Variants in COBL observed in about 807,000 individuals in gnomAD.
COBL encodes protein cordon-bleu.
In COBL, 51 loss-of-function variants were observed where a neutral mutation model predicts 98.8. The observed-to-expected ratio is 0.52, with a 90% confidence interval of 0.41 to 0.65. The LOEUF (loss-of-function observed/expected upper bound fraction) is 0.65, where lower values mean the gene tolerates loss of function less well. Among genes scored for constraint, COBL ranks in the 30% least tolerant of loss-of-function variants. COBL has a pLI of 0.00. For synonymous variants in COBL, 634 were observed against 651.7 expected (o/e 0.97, Z 0.41); for missense variants, 1,617 against 1,617.5 (o/e 1.00, Z 0.01).
At chr7:51,081,335 G>T (rs905848024) in intron 7 of COBL, among the ~76,000 whole-genome samples, 1 of 152,222 alleles carries the variant, frequency 6.6e-6, no homozygotes, top group African/African-American at 2.4e-5. Flanking sequence ...CTGGGGGAAT[G>T]AACTGGTATG....
chr7:51,017,886 C>G (rs536687185), intron 12 of COBL, among the ~76,000 whole-genome samples: 1 of 152,228 alleles, frequency 6.6e-6, no homozygotes, highest in Admixed American at 6.5e-5. Flanking sequence ...TGTGTGGGTA[C>G]GCATCTGAGG....
intron 1 of COBL, among the ~76,000 whole-genome samples, chr7:51,298,787 G>A (rs538114805): frequency 6.6e-6 from 1 of 152,160 alleles, no homozygotes; most frequent in Non-Finnish European, 1.5e-5. Context: ...AACAACAACT[G>A]CACCACTAAC....
At chr7:51,044,626 G>T (rs916686340) in intron 7 of COBL, among the ~76,000 whole-genome samples, 8 of 152,180 alleles carry the variant, frequency 5.3e-5, no homozygotes, top group Non-Finnish European at 1.2e-4. Flanking sequence ...ATTTATAACA[G>T]TCCAGAAAAC....
At chr7:51,105,488 C>T (rs1326318912) in intron 6 of COBL, among the ~76,000 whole-genome samples, 1 of 152,200 alleles carries the variant, frequency 6.6e-6, no homozygotes, top group Non-Finnish European at 1.5e-5. Context: ...GTGGCTCACA[C>T]CTGTAACCCC....
rs1189632509 is a variant in COBL, at chr7:51,043,425, C to A, written c.1364G>T (p.Ser455Ile). 1 of 1,614,244 alleles carries A rather than the reference C, an allele frequency of 6.2e-7. No homozygotes were observed. Among genetic ancestry groups the A allele is most frequent in the Admixed American group, 1.7e-5 (1 of 60,026 alleles). Reference protein sequence around the residue: ...AGTPDLGPQKSPLWEKNGSEN... With the variant: ...AGTPDLGPQKIPLWEKNGSEN... ...AGAGCCATTCTTCTCCCACAAGGGGCTCTTCTGGGGACCCAGGTCTGGGGT... is the reference window on the plus strand; with the variant it reads ...AGAGCCATTCTTCTCCCACAAGGGGATCTTCTGGGGACCCAGGTCTGGGGT... The change falls in exon 8 of 13, where the codon AGC becomes ATC. Residue 455 changes from serine to isoleucine, a missense_variant. Transcript: ENST00000265136.
At chr7:51,111,282 C>T (rs1369497219) in intron 6 of COBL, among the ~76,000 whole-genome samples, 2 of 152,136 alleles carry the variant, frequency 1.3e-5, no homozygotes, top group African/African-American at 2.4e-5. Flanking sequence ...AACTTACATT[C>T]CCACCAAGAG....
At chr7:51,022,819 C>T (rs1787073357) in intron 12 of COBL, 1 of 152,298 alleles carries the variant, frequency 6.6e-6, no homozygotes, top group South Asian at 2.1e-4. Context: ...CACAGGATCC[C>T]AGTCGGTGCA....
At chr7:51,267,012 C>T (rs1003687428) in intron 1 of COBL, among the ~76,000 whole-genome samples, 1 of 152,174 alleles carries the variant, frequency 6.6e-6, no homozygotes, top group Non-Finnish European at 1.5e-5. Context: ...TTCCACAGGG[C>T]TTTGCGATAA....
In COBL at chr7:51,028,362, C is replaced by T. The variant is rs1562812492; in HGVS notation, c.2734G>A (p.Asp912Asn). 6.2e-7 allele frequency: 1 copy of T among 1,614,148 alleles called. No individual in the cohort carries two copies. Among genetic ancestry groups the T allele is most frequent in the Non-Finnish European group, 8.5e-7 (1 of 1,180,062 alleles). ...GAGTGTGGGCTGGATGTCCTGTCAT[C>T]TTTCACAGTGACAGGTGGTGCAGCC... ...VLAAPPVTVK[D>N]DRTSSPHSET... The change falls in exon 10 of 13, where the codon GAT becomes AAT. Residue 912 changes from aspartate to asparagine, a missense_variant. Transcript: ENST00000265136.
At chr7:51,046,003 C>T (rs970373072) in intron 7 of COBL, among the ~76,000 whole-genome samples, 1 of 152,190 alleles carries the variant, frequency 6.6e-6, no homozygotes, top group South Asian at 2.1e-4. Context: ...TCCCATGGCC[C>T]GTGTGGCCTG....
chr7:51,252,206 A>T lies in COBL; in HGVS notation c.42-32262T>A, dbSNP rs61609216. Among the ~76,000 whole-genome samples, 1,047 of 152,326 alleles carry T rather than the reference A, an allele frequency of 6.9e-3. 12 individuals carry two copies. Among genetic ancestry groups the T allele is most frequent in the African/African-American group, 0.024 (1,006 of 41,574 alleles). On this transcript the variant is annotated intron_variant, in intron 1 of 12. Coordinates refer to ENST00000265136, the MANE Select transcript of COBL (RefSeq NM_015198.5). ...GCTTTTTAAAAACAGGCTTATTGAG[A>T]TATAATTCACACACCATATAATTTG...
intron 7 of COBL, among the ~76,000 whole-genome samples, chr7:51,049,596 G>A (rs767485923): frequency 2.6e-5 from 4 of 152,200 alleles, no homozygotes; most frequent in Non-Finnish European, 4.4e-5. Flanking sequence ...CAATACCACA[G>A]GAATACAGAA....
At chr7:51,140,631 A>G (rs559902476) in intron 5 of COBL, among the ~76,000 whole-genome samples, 1 of 152,280 alleles carries the variant, frequency 6.6e-6, no homozygotes, top group South Asian at 2.1e-4. Flanking sequence ...CTTTTATTTG[A>G]CTTTCATTGT....
chr7:51,191,630 C>T (rs1397999937), intron 3 of COBL, among the ~76,000 whole-genome samples: 1 of 151,622 alleles, frequency 6.6e-6, no homozygotes, highest in Non-Finnish European at 1.5e-5. Context: ...CACAGACCTA[C>T]ATGTATTTAT....
intron 1 of COBL, among the ~76,000 whole-genome samples, chr7:51,298,204 G>A (rs562051198): frequency 1.3e-4 from 20 of 152,324 alleles, no homozygotes; most frequent in African/African-American, 4.8e-4. Flanking sequence ...ACAAAAGTTG[G>A]CAAAAACTGA....
intron 4 of COBL, among the ~76,000 whole-genome samples, chr7:51,184,734 G>A (rs139206046): frequency 2.0e-5 from 3 of 152,018 alleles, no homozygotes; most frequent in African/African-American, 4.8e-5. Context: ...GTGTGGACTC[G>A]GTACATGCAA....
intron 4 of COBL, among the ~76,000 whole-genome samples, chr7:51,188,559 C>T (rs1249612452): frequency 6.6e-6 from 1 of 152,182 alleles, no homozygotes; most frequent in Non-Finnish European, 1.5e-5. Flanking sequence ...TGGAGCAGAG[C>T]CCCCATGGTG....
chr7:51,094,340 G>T (rs916163542), intron 6 of COBL, among the ~76,000 whole-genome samples: 1 of 151,932 alleles, frequency 6.6e-6, no homozygotes, highest in Non-Finnish European at 1.5e-5. Context: ...ACAATGTGTT[G>T]TATATCCCAT....
At chr7:51,157,879 T>C (rs1342247140) in intron 5 of COBL, among the ~76,000 whole-genome samples, 1 of 152,230 alleles carries the variant, frequency 6.6e-6, no homozygotes, top group African/African-American at 2.4e-5. Flanking sequence ...TGCACTGATA[T>C]ATAATTTTTA....
Sources: gnomAD v4.1 joint callset for allele counts (sites outside exome capture counted in the v4.1 genomes callset) on GRCh38, gnomAD v4.1.1 for gene constraint, MANE v1.5 for transcripts, NCBI Gene and HGNC (gene_info 2026-07-23, HGNC 2026-07-21) for gene names.